The following RASL10A variants were observed in gnomAD, a reference collection of about 807,000 sequenced individuals.
RASL10A encodes ras-like protein family member 10A.
In RASL10A, 13 loss-of-function variants were observed where a neutral mutation model predicts 17.3. The observed-to-expected ratio is 0.75, with a 90% CI of 0.49 to 1.20. The LOEUF is 1.20. Among genes scored for constraint, RASL10A ranks in the 50% most tolerant of loss-of-function variants. The pLI is 0.00. For missense variants in RASL10A, 307 were observed against 310.3 expected, an observed-to-expected ratio of 0.99 and a Z score of 0.08; for synonymous variants, 159 against 142.2, an observed-to-expected ratio of 1.12 and a Z score of -0.84.
rs1428729104 is a variant in RASL10A, at chr22:29,315,211, G to A, written c.36C>T (p.Ala12=). ...TGATGGCCGTCTTGCCCACGCCCGG[G>A]GCGCCTAGAACGGCCACCCGCAGGC... ...GGSLRVAVLG[A]PGVGKTAIIR... is the part of the protein sequence containing the mutation. The change falls in exon 1 of 3, where the codon GCC becomes GCT. Residue 12 remains alanine, a synonymous_variant. Coordinates refer to ENST00000216101, the MANE Select transcript of RASL10A (RefSeq NM_006477.5). The surrounding 1 kb of genome is among the most constrained non-coding windows in gnomAD (Gnocchi z 5.5). 6.5e-7 allele frequency: 1 copy of A among 1,526,768 alleles called. No individual in the cohort carries two copies. The highest frequency in any genetic ancestry group is 1.4e-5 in the African/African-American group (1 of 70,108). The allele number at this position is 1,526,768 out of a possible 1,614,324, so 94.6% of individuals were successfully genotyped here. A position where few individuals can be genotyped will look rare whatever the true frequency, so the allele number is the denominator to read the frequency against.
intron 1 of RASL10A, chr22:29,314,371 T>C (rs13056977): frequency 0.15 from 30,803 of 202,128 alleles, 2,645 homozygotes; most frequent in East Asian, 0.28. Flanking sequence ...TTGTCAGCTG[T>C]AACCGTTTAT....
upstream of RASL10A, chr22:29,319,201 G>C (rs971645926): frequency 2.0e-5 from 3 of 152,354 alleles, no homozygotes; most frequent in African/African-American, 7.2e-5. Context: ...ACTGCATCCA[G>C]CTCCCAGGGG....
In RASL10A at chr22:29,315,125, A is replaced by T; in HGVS notation, c.122T>A (p.Leu41His). 6.5e-7 allele frequency: 1 copy of T among 1,531,030 alleles called. No individual in the cohort carries two copies. The highest frequency in any genetic ancestry group is 8.7e-7 in the Non-Finnish European group (1 of 1,143,860). 94.8% of individuals were successfully genotyped at this position (1,531,030 alleles called of 1,614,324 possible). ...ERHRPTDGPR[L>H]YRPAVLLDGA... is the part of the protein sequence containing the mutation. ...GTCGAGCAGCACCGCGGGTCGGTAG[A>T]GGCGCGGCCCGTCCGTGGGCCGGTG... Residue 41 changes from leucine (L) to histidine (H), a missense_variant, in exon 1 of 3, where the codon CTC becomes CAC. Transcript: ENST00000216101. The surrounding 1 kb of genome is among the most constrained non-coding windows in gnomAD (Gnocchi z 5.5).
At chr22:29,314,262 G>T (rs914825955) in intron 1 of RASL10A, 3 of 401,322 alleles carry the variant, frequency 7.5e-6, no homozygotes, top group Admixed American at 4.0e-5. Context: ...ACTCGGCTCA[G>T]GCCGCTCTCC....
rs2061433855 is a variant in RASL10A, at chr22:29,313,575, G to A, written c.345-7C>T. The A allele has an allele frequency of 4.6e-6, 7 of 1,528,748 alleles. No individual in the cohort carries two copies. Among genetic ancestry groups the A allele is most frequent in the Non-Finnish European group, 6.1e-6 (7 of 1,149,576 alleles). The allele number at this position is 1,528,748 out of a possible 1,614,324, so 94.7% of individuals were successfully genotyped here. The stretch of plus-strand genomic sequence containing the variant: ...TTCGGGCGCGCCCGCCGGCCTGGGG[G>A]CCGAATGGAGATGAGAGACGCGGGG... On this transcript the variant is annotated splice_region_variant and splice_polypyrimidine_tract_variant and intron_variant, in intron 2 of 2. Transcript: ENST00000216101.
Position 29,313,477 on chromosome 22 carries a change from C to T in RASL10A, c.436G>A (p.Ala146Thr), listed in dbSNP as rs748885271. The stretch of plus-strand genomic sequence containing the variant: ...CAGCGCCAGCCCCTGCGCACTAGGG[C>T]GGCCAGCGCGCGCCGCGGTCCGAAG... Reference protein sequence around the residue: ...LRFGPRRALAALVRRGWRCGY... With the variant: ...LRFGPRRALATLVRRGWRCGY... Residue 146 changes from alanine to threonine, a missense_variant, in exon 3 of 3, where the codon GCC becomes ACC. Physicochemically the swap from Ala to Thr is moderately conservative, Grantham distance 58. Transcript: ENST00000216101. 1.3e-6 allele frequency: 2 copies of T among 1,550,438 alleles called. No homozygotes were observed. The highest frequency in any genetic ancestry group is 1.2e-5 in the South Asian group (1 of 85,318).
chr22:29,318,255 T>C (rs1874191616), upstream of RASL10A, among the ~76,000 whole-genome samples: 1 of 152,210 alleles, frequency 6.6e-6, no homozygotes, highest in South Asian at 2.1e-4. Context: ...GCAGTGCCCA[T>C]TTATCAAGGG....
chr22:29,313,574 G>A lies in RASL10A; in HGVS notation c.345-6C>T, dbSNP rs1385485215. The A allele has an allele frequency of 6.5e-7, 1 of 1,529,910 alleles. No individual in the cohort carries two copies. The highest frequency in any genetic ancestry group is 8.7e-7 in the Non-Finnish European group (1 of 1,150,158). The allele number at this position is 1,529,910 out of a possible 1,614,324, so 94.8% of individuals were successfully genotyped here. ...CTTCGGGCGCGCCCGCCGGCCTGGG[G>A]GCCGAATGGAGATGAGAGACGCGGG... On this transcript the variant is annotated splice_region_variant and splice_polypyrimidine_tract_variant and intron_variant, in intron 2 of 2. Coordinates refer to ENST00000216101, the MANE Select transcript of RASL10A (RefSeq NM_006477.5).
intron 1 of RASL10A, chr22:29,314,340 G>A (rs1286841154): frequency 1.9e-5 from 4 of 212,494 alleles, no homozygotes; most frequent in Admixed American, 1.6e-4. Context: ...CCCGAGTCCC[G>A]TGGTCCACCA....
At chr22:29,313,732 C>T in intron 2 of RASL10A, 131 bp downstream of exon 2, 1 of 1,477,280 alleles carries the variant, frequency 6.8e-7, no homozygotes, top group East Asian at 2.3e-5. Context: ...GCACATACAG[C>T]TTAAGACCTT....
chr22:29,313,575 G>T lies in RASL10A; in HGVS notation c.345-7C>A. 6.5e-7 allele frequency: 1 copy of T among 1,528,748 alleles called. No homozygotes were observed. The highest frequency in any genetic ancestry group is 1.3e-5 in the South Asian group (1 of 79,868). The allele number at this position is 1,528,748 out of a possible 1,614,324, so 94.7% of individuals were successfully genotyped here. Reference sequence around the variant, plus strand: ...TTCGGGCGCGCCCGCCGGCCTGGGGGCCGAATGGAGATGAGAGACGCGGGG... The same window carrying T: ...TTCGGGCGCGCCCGCCGGCCTGGGGTCCGAATGGAGATGAGAGACGCGGGG... On this transcript the variant is annotated splice_region_variant and splice_polypyrimidine_tract_variant and intron_variant, in intron 2 of 2. Transcript: ENST00000216101.
chr22:29,316,297 CG>C (rs1389439558), upstream of RASL10A, among the ~76,000 whole-genome samples: 1 of 152,172 alleles, frequency 6.6e-6, no homozygotes, highest in African/African-American at 2.4e-5. Flanking sequence ...CTCCTGCCCA[CG>C]GGGGTAAATG....
At chr22:29,315,717 C>T (rs1009987436), upstream of RASL10A, 1 of 152,178 alleles carries the variant, frequency 6.6e-6, no homozygotes, top group Non-Finnish European at 1.5e-5. The surrounding 1 kb of genome is among the most constrained non-coding windows in gnomAD (Gnocchi z 5.5). Context: ...GCCGCCGGCG[C>T]GAGCGAGCGG....
upstream of RASL10A, chr22:29,316,902 A>G (rs2061456891): frequency 6.6e-6 from 1 of 151,948 alleles, no homozygotes; most frequent in African/African-American, 2.4e-5. Flanking sequence ...GGATCTAGGG[A>G]CTGTCAAAGC....
Position 29,313,073 on chromosome 22 carries a change from G to A in RASL10A, c.*228C>T, listed in dbSNP as rs2061428060. 9 of 481,898 alleles carry A rather than the reference G, an allele frequency of 1.9e-5. No homozygotes were observed. In the East Asian group the frequency reaches 3.0e-4, roughly 16 times the overall value. The allele number at this position is 481,898 out of a possible 1,614,324, so 29.9% of individuals were successfully genotyped here. A position where few individuals can be genotyped will look rare whatever the true frequency, so the allele number is the denominator to read the frequency against. ...ATCCAATGGGATTGTGACCCATTGA[G>A]GTCCCAGAAAGGACTGGTCATCTCC... On this transcript the variant is annotated 3_prime_UTR_variant, in exon 3 of 3. Coordinates refer to ENST00000216101, the MANE Select transcript of RASL10A (RefSeq NM_006477.5).
rs1456419671 is a variant in RASL10A at position 29,313,100 on chromosome 22, A to G, written c.*201T>C. 4 of 593,500 alleles carry G rather than the reference A, an allele frequency of 6.7e-6. No homozygotes were observed. Among genetic ancestry groups the G allele is most frequent in the South Asian group, 3.5e-5 (1 of 28,788 alleles). 36.8% of individuals were successfully genotyped at this position (593,500 alleles called of 1,614,324 possible). ...TCCCAGAAAGGACTGGTCATCTCCA[A>G]TGGAGCTTGGGACCTGGTTGGGTCC... On this transcript the variant is annotated 3_prime_UTR_variant, in exon 3 of 3. Transcript: ENST00000216101.
At chr22:29,314,057 G>T (rs1602661762) in intron 1 of RASL10A, 70 bp from the exon 2 acceptor site, 5 of 1,586,680 alleles carry the variant, frequency 3.2e-6, no homozygotes, top group Non-Finnish European at 4.3e-6. Context: ...CTCTGCAGGG[G>T]CCTGGACGCT....
rs1246039300 is a variant in RASL10A, at chr22:29,315,190, G to A, written c.57C>T (p.Ala19=). 6.5e-7 allele frequency: 1 copy of A among 1,539,230 alleles called. No homozygotes were observed. The highest frequency in any genetic ancestry group is 1.9e-5 in the Admixed American group (1 of 52,482). The change falls in exon 1 of 3, where the codon GCC becomes GCT. Residue 19 remains alanine, a synonymous_variant. Transcript: ENST00000216101. The surrounding 1 kb of genome is among the most constrained non-coding windows in gnomAD (Gnocchi z 5.5). ...CACCGAACAGGAACTGGCGGATGAT[G>A]GCCGTCTTGCCCACGCCCGGGGCGC... is the stretch of plus-strand genomic sequence containing the variant. The part of the protein sequence containing the change: ...VLGAPGVGKT[A]IIRQFLFGDY...
At chr22:29,313,653 C>CTT (rs1336125825) in intron 2 of RASL10A, 85 bp from the exon 3 acceptor site, 3 of 1,435,704 alleles carry the variant, frequency 2.1e-6, no homozygotes, top group Non-Finnish European at 2.7e-6. Flanking sequence ...GGCGCATTCC[C>CTT]TTCCTACGGC....
Sources: allele counts gnomAD v4.1 joint callset (sites outside exome capture counted in the v4.1 genomes callset), GRCh38; gene constraint gnomAD v4.1.1; non-coding constraint Gnocchi (gnomAD v3.1); transcripts MANE v1.5; gene names NCBI Gene and HGNC (gene_info 2026-07-23, HGNC 2026-07-21).